DOK5: variants seen among roughly 807,000 people sequenced by gnomAD.
DOK5 encodes the protein docking protein 5, also known as downstream of tyrosine kinase 5.
A neutral mutation model predicts 43.3 loss-of-function variants in DOK5; 27 were observed. That is an observed-to-expected ratio of 0.62 (90% CI 0.46 to 0.86). The LOEUF is 0.86. DOK5 is among the 40% of genes least tolerant of loss of function. The pLI, the probability that DOK5 is intolerant of heterozygous loss-of-function variation, is 0.00. For missense variants in DOK5, 373 were observed against 392.9 expected (o/e 0.95, Z 0.43); for synonymous variants, 146 against 140.1 (o/e 1.04, Z -0.30).
Position 54,610,500 on chromosome 20 carries a change from C to A in DOK5, c.712C>A (p.Leu238Ile), listed in dbSNP as rs928281731. ...CATAGCCGAGCAGCACGAGCGCTTG[C>A]TACAGAGTGTGAAAAACTCGATGGT... is the stretch of plus-strand genomic sequence containing the variant. ...LAIAEQHERL[L>I]QSVKNSMLQM... The change falls in exon 6 of 8, where the codon CTA (leucine) becomes ATA (isoleucine). Residue 238 changes from leucine (L) to isoleucine (I), a missense_variant. Leu to Ile is a conservative substitution (Grantham distance 5). Transcript: ENST00000262593. 14 of 1,523,024 alleles carry A rather than the reference C, an allele frequency of 9.2e-6. No individual in the cohort carries two copies. The highest frequency in any genetic ancestry group is 1.4e-5 in the African/African-American group (1 of 71,534). The allele number at this position is 1,523,024 out of a possible 1,614,324, so 94.3% of individuals were successfully genotyped here. A position where few individuals can be genotyped will look rare whatever the true frequency, so the allele number is the denominator to read the frequency against.
At chr20:54,527,151 G>A (rs1272518024) in intron 1 of DOK5, among the ~76,000 whole-genome samples, 2 of 151,588 alleles carry the variant, frequency 1.3e-5, no homozygotes, top group African/African-American at 4.9e-5. Context: ...GATTTTGAAT[G>A]ATATATGGGG....
At chr20:54,535,617 T>C (rs907731396) in intron 1 of DOK5, among the ~76,000 whole-genome samples, 3 of 152,126 alleles carry the variant, frequency 2.0e-5, no homozygotes, top group African/African-American at 7.2e-5. Context: ...TTTATCTATA[T>C]GGAAATTTAT....
chr20:54,504,788 ATGT>A (rs1403198889), intron 1 of DOK5, among the ~76,000 whole-genome samples: 3 of 152,186 alleles, frequency 2.0e-5, no homozygotes, highest in East Asian at 1.9e-4. Context: ...TCAAAGACAA[ATGT>A]TGTGTGCATC....
intron 2 of DOK5, among the ~76,000 whole-genome samples, chr20:54,561,732 C>T (rs1000465806): frequency 7.9e-5 from 12 of 152,226 alleles, no homozygotes; most frequent in East Asian, 1.9e-4. Context: ...CTCGGCTCAC[C>T]GCAACCTCCA....
At chr20:54,620,595 C>T (rs1986947404) in intron 6 of DOK5, among the ~76,000 whole-genome samples, 1 of 152,166 alleles carries the variant, frequency 6.6e-6, no homozygotes, top group Non-Finnish European at 1.5e-5. Context: ...AAATATACCC[C>T]TTATGCAACA....
At chr20:54,587,988 A>ATCTAGTT (rs1360305330) in intron 2 of DOK5, among the ~76,000 whole-genome samples, 2 of 152,166 alleles carry the variant, frequency 1.3e-5, no homozygotes, top group Non-Finnish European at 2.9e-5. Context: ...GAGTGAAATA[A>ATCTAGTT]TCTAGTTATG....
intron 2 of DOK5, among the ~76,000 whole-genome samples, chr20:54,573,466 T>G (rs565803445): frequency 5.3e-5 from 8 of 152,076 alleles, no homozygotes; most frequent in Non-Finnish European, 2.9e-5. Flanking sequence ...GGCAGGCAGA[T>G]CATGAGGTCA....
intron 6 of DOK5, among the ~76,000 whole-genome samples, chr20:54,629,426 A>G (rs992374000): frequency 5.9e-5 from 9 of 152,316 alleles, no homozygotes; most frequent in East Asian, 1.9e-4. Flanking sequence ...AAAAGAACAT[A>G]CTCTATAAAA....
intron 6 of DOK5, among the ~76,000 whole-genome samples, chr20:54,641,582 T>A (rs5841999): frequency 0.012 from 662 of 56,156 alleles, 10 homozygotes; most frequent in African/African-American, 0.022. Context: ...CATCATCATC[T>A]CCATCTCCAT....
intron 6 of DOK5, among the ~76,000 whole-genome samples, chr20:54,637,904 C>T (rs1434044748): frequency 1.3e-5 from 2 of 152,162 alleles, no homozygotes; most frequent in Non-Finnish European, 2.9e-5. Flanking sequence ...GGGCAGATCA[C>T]AAGGTCAGGA....
At chr20:54,562,799 G>A (rs554133405) in intron 2 of DOK5, among the ~76,000 whole-genome samples, 26 of 152,152 alleles carry the variant, frequency 1.7e-4, no homozygotes, top group East Asian at 5.8e-4. Context: ...GTATTGAAGC[G>A]CTTATCATGA....
chr20:54,571,518 T>C (rs2146748119), intron 2 of DOK5, among the ~76,000 whole-genome samples: 1 of 152,324 alleles, frequency 6.6e-6, no homozygotes, highest in African/African-American at 2.4e-5. Context: ...GAGGCTGTCC[T>C]GTGCGTTGTA....
chr20:54,495,121 C>T (rs1364640701), intron 1 of DOK5: 1 of 150,248 alleles, frequency 6.7e-6, no homozygotes, highest in East Asian at 1.9e-4. Context: ...TAGATTCATA[C>T]ACTGAAAAAA....
At chr20:54,494,320 T>C (rs1982306455) in intron 1 of DOK5, among the ~76,000 whole-genome samples, 1 of 152,236 alleles carries the variant, frequency 6.6e-6, no homozygotes, top group Non-Finnish European at 1.5e-5. Context: ...GCAAGACTCA[T>C]TCATCTGGGG....
At chr20:54,516,089 G>C (rs1170333247) in intron 1 of DOK5, among the ~76,000 whole-genome samples, 1 of 152,202 alleles carries the variant, frequency 6.6e-6, no homozygotes, top group Non-Finnish European at 1.5e-5. Context: ...GCTAAAGATA[G>C]ACAAGCATCT....
chr20:54,572,101 G>C (rs1985301209), intron 2 of DOK5, among the ~76,000 whole-genome samples: 1 of 151,766 alleles, frequency 6.6e-6, no homozygotes, highest in South Asian at 2.1e-4. Flanking sequence ...TTCTGTGTTT[G>C]AATTACTGTC....
chr20:54,620,887 T>TATTTGTAAGA (rs1986955413), intron 6 of DOK5, among the ~76,000 whole-genome samples: 1 of 143,720 alleles, frequency 7.0e-6, no homozygotes, highest in Non-Finnish European at 1.5e-5. Flanking sequence ...TTCCCATTCT[T>TATTTGTAAGA]GCGGAGCTTA....
chr20:54,484,198 GTGAAACCCTGTC>G (rs1346095246), intron 1 of DOK5, among the ~76,000 whole-genome samples: 1 of 151,926 alleles, frequency 6.6e-6, no homozygotes, highest in Non-Finnish European at 1.5e-5. Flanking sequence ...GGCCAACATG[GTGAAACCCTGTC>G]TCTACTAAAA....
At chr20:54,557,299 CG>C (rs1984738570) in intron 2 of DOK5, among the ~76,000 whole-genome samples, 1 of 152,130 alleles carries the variant, frequency 6.6e-6, no homozygotes, top group African/African-American at 2.4e-5. Flanking sequence ...GGATTGGTTT[CG>C]GGATGAAACT....
Sources: gnomAD v4.1 joint callset for allele counts (sites outside exome capture counted in the v4.1 genomes callset) on GRCh38, gnomAD v4.1.1 for gene constraint, MANE v1.5 for transcripts, NCBI Gene and HGNC (gene_info 2026-07-23, HGNC 2026-07-21) for gene names.